The following CAPZB variants were observed in gnomAD, a reference collection of about 807,000 sequenced individuals.
CAPZB encodes the protein F-actin-capping protein subunit beta.
Under a neutral mutation model 38.1 loss-of-function variants are expected in CAPZB, and 2 were observed. The observed-to-expected ratio is 0.05, with a 90% CI of 0.02 to 0.17. The LOEUF is 0.17. Among genes scored for constraint, CAPZB ranks in the 10% least tolerant of loss-of-function variants. CAPZB has a pLI of 1.00. For synonymous variants in CAPZB, 107 were observed against 127.4 expected, an observed-to-expected ratio of 0.84 and a Z score of 1.08; for missense variants, 161 against 334.2, an observed-to-expected ratio of 0.48 and a Z score of 4.04.
intron 8 of CAPZB, chr1:19,342,746 G>C (rs753814545): frequency 2.9e-5 from 46 of 1,585,010 alleles, no homozygotes; most frequent in Non-Finnish European, 3.5e-5. Flanking sequence ...CTCTCAGGCA[G>C]GGTACCTGGA....
chr1:19,359,210 C>CTTTTTTTTTTTTTTT (rs57251931), intron 4 of CAPZB, among the ~76,000 whole-genome samples: 2 of 114,412 alleles, frequency 1.7e-5, no homozygotes, highest in Non-Finnish European at 3.5e-5. Context: ...TCTCTGTACT[C>CTTTTTTTTTTTTTTT]TTTTTTTTTT....
chr1:19,361,871 T>G (rs539096603), intron 4 of CAPZB, among the ~76,000 whole-genome samples: 1 of 152,258 alleles, frequency 6.6e-6, no homozygotes, highest in Middle Eastern at 3.4e-3. Flanking sequence ...CAAATAGTAT[T>G]AATATTGTTT....
chr1:19,424,781 C>G (rs1031646783), intron 1 of CAPZB: 7 of 152,268 alleles, frequency 4.6e-5, no homozygotes, highest in African/African-American at 1.7e-4. Context: ...ACTGCGAGAG[C>G]AGACATGCCT....
intron 1 of CAPZB, among the ~76,000 whole-genome samples, chr1:19,437,472 T>TAAAGCAGA (rs1372272293): frequency 6.6e-6 from 1 of 152,180 alleles, no homozygotes; most frequent in African/African-American, 2.4e-5. Flanking sequence ...TAACTTCCAA[T>TAAAGCAGA]AAAGCAGATA....
At chr1:19,416,619 A>C (rs1237972292) in intron 2 of CAPZB, among the ~76,000 whole-genome samples, 2 of 152,074 alleles carry the variant, frequency 1.3e-5, no homozygotes, top group Non-Finnish European at 2.9e-5. Flanking sequence ...TTAAAAACAG[A>C]AAAGTAGGAT....
At chr1:19,352,850 G>A (rs1334644872) in intron 6 of CAPZB, among the ~76,000 whole-genome samples, 6 of 152,252 alleles carry the variant, frequency 3.9e-5, no homozygotes, top group Admixed American at 1.3e-4. Flanking sequence ...AGGCAGCATC[G>A]CCTGGTCTGG....
At chr1:19,462,877 TA>T (rs2094556659) in intron 1 of CAPZB, among the ~76,000 whole-genome samples, 1 of 152,126 alleles carries the variant, frequency 6.6e-6, no homozygotes, top group African/African-American at 2.4e-5. Context: ...TAAAATGAAA[TA>T]AAACCAAATA....
intron 1 of CAPZB, among the ~76,000 whole-genome samples, chr1:19,431,424 G>T (rs942206584): frequency 6.6e-6 from 1 of 152,196 alleles, no homozygotes; most frequent in Non-Finnish European, 1.5e-5. Context: ...TTTGGGCCGG[G>T]CACGGTGGCT....
At chr1:19,434,221 G>C (rs2094450898) in intron 1 of CAPZB, among the ~76,000 whole-genome samples, 1 of 152,138 alleles carries the variant, frequency 6.6e-6, no homozygotes, top group Non-Finnish European at 1.5e-5. Flanking sequence ...AGACAGACAA[G>C]AGTTCAAAGC....
At chr1:19,409,534 C>G (rs2094348418) in intron 2 of CAPZB, among the ~76,000 whole-genome samples, 1 of 152,182 alleles carries the variant, frequency 6.6e-6, no homozygotes, top group South Asian at 2.1e-4. Flanking sequence ...ACAAAGTATT[C>G]CTACTTCTCC....
chr1:19,345,999 A>C (rs2093958479), intron 6 of CAPZB, among the ~76,000 whole-genome samples: 1 of 152,124 alleles, frequency 6.6e-6, no homozygotes, highest in Non-Finnish European at 1.5e-5. Flanking sequence ...AATCATCTCA[A>C]CTCGGAGGAG....
At chr1:19,397,500 T>C (rs1457033253) in intron 2 of CAPZB, among the ~76,000 whole-genome samples, 2 of 152,210 alleles carry the variant, frequency 1.3e-5, no homozygotes, top group East Asian at 3.8e-4. Context: ...GAATGACACC[T>C]GGTGAGTAAC....
chr1:19,378,268 A>G (rs1291795750), intron 4 of CAPZB, among the ~76,000 whole-genome samples: 2 of 152,206 alleles, frequency 1.3e-5, no homozygotes, highest in African/African-American at 2.4e-5. Context: ...GATGCAGGGG[A>G]ACAGCACATA....
At chr1:19,367,505 G>A (rs114780722) in intron 4 of CAPZB, among the ~76,000 whole-genome samples, 2 of 152,226 alleles carry the variant, frequency 1.3e-5, no homozygotes, top group Non-Finnish European at 2.9e-5. Flanking sequence ...AATGGAGAAA[G>A]ATCAATGCTT....
chr1:19,408,330 C>A (rs1349625543), intron 2 of CAPZB, among the ~76,000 whole-genome samples: 3 of 152,246 alleles, frequency 2.0e-5, no homozygotes, highest in Non-Finnish European at 2.9e-5. Context: ...CTGCAGTTTA[C>A]ACGCACCCCA....
At chr1:19,411,053 A>C (rs1183149585) in intron 2 of CAPZB, among the ~76,000 whole-genome samples, 1 of 152,162 alleles carries the variant, frequency 6.6e-6, no homozygotes. Flanking sequence ...ATTAAAAGTT[A>C]CTTATTTTGG....
intron 1 of CAPZB, among the ~76,000 whole-genome samples, chr1:19,451,474 G>A (rs1231056245): frequency 1.3e-5 from 2 of 152,288 alleles, no homozygotes; most frequent in Non-Finnish European, 2.9e-5. Flanking sequence ...GTAGAAGGAT[G>A]CAGAGGAAAG....
chr1:19,396,166 T>C (rs552864503), intron 2 of CAPZB, among the ~76,000 whole-genome samples: 6 of 152,238 alleles, frequency 3.9e-5, no homozygotes, highest in South Asian at 2.1e-4. Flanking sequence ...GTTTGTGACA[T>C]GCATGTGTCT....
intron 1 of CAPZB, among the ~76,000 whole-genome samples, chr1:19,473,733 A>G (rs1414084305): frequency 6.6e-6 from 1 of 152,126 alleles, no homozygotes; most frequent in Non-Finnish European, 1.5e-5. Context: ...GCATAGTGGC[A>G]CGTGCCTGTA....
Sources: gnomAD v4.1 joint callset for allele counts (sites outside exome capture counted in the v4.1 genomes callset) on GRCh38, gnomAD v4.1.1 for gene constraint, MANE v1.5 for transcripts, NCBI Gene and HGNC (gene_info 2026-07-23, HGNC 2026-07-21) for gene names.